Variants in YWHAB observed in about 807,000 individuals in gnomAD.
YWHAB encodes the protein tyrosine 3-monooxygenase/tryptophan 5-monooxygenase activation protein beta.
In YWHAB, 2 loss-of-function variants were observed where a neutral mutation model predicts 28.5. The ratio of observed to expected loss-of-function variants is 0.07; its 90% confidence interval spans 0.03 to 0.22. YWHAB has a LOEUF of 0.22. YWHAB is among the 10% of genes least tolerant of loss of function. The pLI is 1.00. For synonymous variants in YWHAB, 103 were observed against 104.7 expected (o/e 0.98, Z 0.10); for missense variants, 148 against 297.1 (o/e 0.50, Z 3.69).
chr20:44,888,918 G>A (rs142548206), intron 1 of YWHAB, among the ~76,000 whole-genome samples: 1 of 152,214 alleles, frequency 6.6e-6, no homozygotes, highest in African/African-American at 2.4e-5. Context: ...TTGGCAGGGA[G>A]GAAATGAGGA....
intron 1 of YWHAB, among the ~76,000 whole-genome samples, chr20:44,888,518 A>T (rs1568927863): frequency 6.6e-6 from 1 of 152,194 alleles, no homozygotes; most frequent in Non-Finnish European, 1.5e-5. Context: ...GTTCTGAGGA[A>T]TGATATTATA....
chr20:44,896,118 T>G (rs1361846269), intron 1 of YWHAB, among the ~76,000 whole-genome samples: 1 of 152,260 alleles, frequency 6.6e-6, no homozygotes, highest in African/African-American at 2.4e-5. Flanking sequence ...AATATATTCA[T>G]TAGAGCAATG....
rs965708425 is a variant in YWHAB at position 44,906,574 on chromosome 20, A to G, written c.*136A>G. ...GATTTTTCACAGCCTCAGCCTAGGA[A>G]AAATGGTTCATGGGATAAACAGCTG... On this transcript the variant is annotated 3_prime_UTR_variant, in exon 6 of 6. Transcript: ENST00000353703. 7.0e-6 allele frequency: 5 copies of G among 712,422 alleles called. No individual in the cohort carries two copies. The highest frequency in any genetic ancestry group is 1.1e-5 in the Non-Finnish European group (5 of 467,038). The allele number at this position is 712,422 out of a possible 1,614,324, so 44.1% of individuals were successfully genotyped here.
intron 1 of YWHAB, among the ~76,000 whole-genome samples, chr20:44,891,649 CAT>C (rs10582089): frequency 0.32 from 48,640 of 150,378 alleles, 8,593 homozygotes; most frequent in African/African-American, 0.48. Context: ...CATTAAGTCA[CAT>C]GTGTAACCTT....
At chr20:44,886,104 C>A (rs1052374262) in intron 1 of YWHAB, 1 of 152,234 alleles carries the variant, frequency 6.6e-6, no homozygotes, top group Admixed American at 6.5e-5. Context: ...AGGCTCGGGC[C>A]GCCTGAGGTC....
chr20:44,889,063 A>AC (rs2066544730), intron 1 of YWHAB, among the ~76,000 whole-genome samples: 1 of 152,202 alleles, frequency 6.6e-6, no homozygotes, highest in Non-Finnish European at 1.5e-5. Context: ...TTCCTTGTAG[A>AC]GATACTTTTA....
intron 1 of YWHAB, among the ~76,000 whole-genome samples, chr20:44,890,109 C>A (rs1046205803): frequency 2.0e-5 from 3 of 152,112 alleles, no homozygotes; most frequent in Non-Finnish European, 4.4e-5. Context: ...ATTTACTAAA[C>A]GAGTTAGCTG....
rs556708643 is a variant in YWHAB at position 44,901,098 on chromosome 20, T to C, written c.-3-433T>C. 1.2e-4 allele frequency among the ~76,000 whole-genome samples: 19 copies of C among 152,200 alleles called. 1 individual carries two copies. The South Asian group carries it at 3.5e-3, about 28-fold the overall frequency. Reference sequence around the variant, plus strand: ...TAGTAAGCATAAACTTCTAAAGAAATAGTTATTAAGCAGTCTGTATGTGCC... The same window carrying C: ...TAGTAAGCATAAACTTCTAAAGAAACAGTTATTAAGCAGTCTGTATGTGCC... On this transcript the variant is annotated intron_variant, in intron 1 of 5. Coordinates refer to ENST00000353703, the MANE Select transcript of YWHAB (RefSeq NM_139323.4).
chr20:44,901,787 G>T lies in YWHAB; in HGVS notation c.254G>T (p.Arg85Leu), dbSNP rs1014116195. ...EKKQQMGKEY[R>L]EKIEAELQDI... ...AAGCAGCAGATGGGCAAAGAGTACC[G>T]TGAGAAGATAGAGGCAGAACTGCAG... is the stretch of plus-strand genomic sequence containing the variant. The change falls in exon 2 of 6, where the codon CGT (arginine) becomes CTT (leucine). Residue 85 changes from arginine to leucine, a missense_variant. Physicochemically the swap from Arg to Leu is moderately radical, Grantham distance 102 (BLOSUM62 -2). Around this residue, in one of 2 missense-constraint regions of YWHAB, gnomAD observed 110 missense variants for 177.9 expected, o/e 0.62. Coordinates refer to ENST00000353703, the MANE Select transcript of YWHAB (RefSeq NM_139323.4). 1.9e-6 allele frequency: 3 copies of T among 1,610,922 alleles called. No individual in the cohort carries two copies. The African/African-American group carries it at 4.0e-5, about 22-fold the overall frequency.
intron 5 of YWHAB, 122 bp from the exon 6 acceptor site, chr20:44,906,260 C>A: frequency 8.4e-7 from 1 of 1,195,634 alleles, no homozygotes; most frequent in Admixed American, 2.0e-5. Flanking sequence ...GCAATCATCC[C>A]TGTCTGCAGT....
intron 1 of YWHAB, among the ~76,000 whole-genome samples, chr20:44,892,720 G>A (rs1194033120): frequency 6.6e-6 from 1 of 152,092 alleles, no homozygotes; most frequent in Non-Finnish European, 1.5e-5. Flanking sequence ...TATCTTATTT[G>A]ATAGCTATTA....
intron 2 of YWHAB, chr20:44,903,165 C>CACTCAAAGAGTAGCTAA: frequency 1.1e-6 from 1 of 918,076 alleles, no homozygotes; most frequent in Non-Finnish European, 1.3e-6. Flanking sequence ...ATAGTATTAG[C>CACTCAAAGAGTAGCTAA]TACTCTTTGA....
At chr20:44,891,371 C>T (rs1001729301) in intron 1 of YWHAB, among the ~76,000 whole-genome samples, 7 of 152,196 alleles carry the variant, frequency 4.6e-5, no homozygotes, top group African/African-American at 1.7e-4. Context: ...TCCCAGAGTG[C>T]TGGGATTACA....
intron 3 of YWHAB, 111 bp from the exon 4 acceptor site, chr20:44,904,857 A>G (rs1187017805): frequency 9.7e-7 from 1 of 1,027,100 alleles, no homozygotes; most frequent in Non-Finnish European, 1.4e-6. Context: ...TTCATTTGAT[A>G]GGTCATTGCT....
intron 1 of YWHAB, among the ~76,000 whole-genome samples, chr20:44,892,338 C>T (rs945325013): frequency 6.6e-6 from 1 of 152,114 alleles, no homozygotes; most frequent in Non-Finnish European, 1.5e-5. Context: ...AAGTCACGAC[C>T]TAGCTACCTT....
intron 1 of YWHAB, among the ~76,000 whole-genome samples, chr20:44,894,187 G>A (rs141278306): frequency 3.0e-4 from 45 of 152,306 alleles, no homozygotes; most frequent in Non-Finnish European, 6.2e-4. Flanking sequence ...TCTCAAGCAC[G>A]TCAGTCTCTT....
intron 5 of YWHAB, 84 bp downstream of exon 5, chr20:44,906,180 T>C: frequency 7.9e-7 from 1 of 1,271,966 alleles, no homozygotes; most frequent in Non-Finnish European, 1.1e-6. Context: ...AGGGGATTTG[T>C]ACCATTAAAT....
chr20:44,907,035 G>A lies in YWHAB; in HGVS notation c.*597G>A, dbSNP rs2066661934. On this transcript the variant is annotated 3_prime_UTR_variant, in exon 6 of 6. Coordinates refer to ENST00000353703, the MANE Select transcript of YWHAB (RefSeq NM_139323.4). ...AAATGTCCACAGTGTCTTCCTCTGA[G>A]GAAACTCGAATCCTGAAATGGAAAT... 6.6e-6 allele frequency: 1 copy of A among 152,210 alleles called. No homozygotes were observed. The allele number at this position is 152,210 out of a possible 1,614,324, so 9.4% of individuals were successfully genotyped here. A position where few individuals can be genotyped will look rare whatever the true frequency, so the allele number is the denominator to read the frequency against.
chr20:44,891,666 C>T (rs1222942521), intron 1 of YWHAB, among the ~76,000 whole-genome samples: 1 of 152,164 alleles, frequency 6.6e-6, no homozygotes, highest in Non-Finnish European at 1.5e-5. Flanking sequence ...AACCTTGCGC[C>T]TGTCACTTAA....
Sources: gnomAD v4.1 joint callset for allele counts (sites outside exome capture counted in the v4.1 genomes callset) on GRCh38, gnomAD v4.1.1 for gene constraint, gnomAD v4.1.1 regional missense constraint, MANE v1.5 for transcripts, NCBI Gene and HGNC (gene_info 2026-07-23, HGNC 2026-07-21) for gene names.